Variants in PC observed in about 807,000 individuals in gnomAD.
The protein encoded by PC is pyruvate carboxylase.
In PC, 46 loss-of-function variants were observed where a neutral mutation model predicts 107.8. That is an observed-to-expected ratio of 0.43 (90% confidence interval 0.34 to 0.55). The LOEUF (loss-of-function observed/expected upper bound fraction) is 0.55, where lower values mean the gene tolerates loss of function less well. PC is among the 20% of genes least tolerant of loss of function. The pLI, the probability that PC is intolerant of heterozygous loss-of-function variation, is 0.04. For synonymous variants in PC, 662 were observed against 684.7 expected (o/e 0.97, Z 0.52); for missense variants, 1,241 against 1,643.1 (o/e 0.76, Z 4.23).
In PC at chr11:66,858,731, G is replaced by A. The variant is rs952871230; in HGVS notation, c.1368+5043C>T. The stretch of plus-strand genomic sequence containing the variant: ...TGGTTGGCAACTCCTCCCGAGCCCG[G>A]GCTTTCCCCAACGGGACCTTAGAGA... On this transcript the variant is annotated intron_variant, in intron 12 of 22. Transcript: ENST00000393960. The surrounding 1 kb of genome is among the most constrained non-coding windows in gnomAD (Gnocchi z 5.9). The A allele has an allele frequency of 1.3e-6, 2 of 1,554,494 alleles. No homozygotes were observed. The highest frequency in any genetic ancestry group is 2.4e-5 in the East Asian group (1 of 41,562).
At chr11:66,942,938 C>A (rs1477908729) in intron 3 of PC, among the ~76,000 whole-genome samples, 1 of 151,770 alleles carries the variant, frequency 6.6e-6, no homozygotes, top group Non-Finnish European at 1.5e-5. Context: ...ATTGCTTGAA[C>A]CCGGGAGGCG....
In PC at chr11:66,866,377, A is replaced by T; in HGVS notation, c.1023-28T>A. 7.0e-7 allele frequency: 1 copy of T among 1,420,172 alleles called. No individual in the cohort carries two copies. Among genetic ancestry groups the T allele is most frequent in the Non-Finnish European group, 9.7e-7 (1 of 1,030,738 alleles). The allele number at this position is 1,420,172 out of a possible 1,614,324, so 88.0% of individuals were successfully genotyped here. A position where few individuals can be genotyped will look rare whatever the true frequency, so the allele number is the denominator to read the frequency against. On this transcript the variant is annotated intron_variant, in intron 10 of 22. Coordinates refer to ENST00000393960, the MANE Select transcript of PC (RefSeq NM_001040716.2). The surrounding 1 kb of genome is among the most constrained non-coding windows in gnomAD (Gnocchi z 5.4). ...GTAGGGCATTGGGGGGAGGGGGGAA[A>T]GGACGGGAGAAAGGGGGAAACATGA...
chr11:66,937,394 C>T (rs1198010756), intron 3 of PC, among the ~76,000 whole-genome samples: 1 of 152,188 alleles, frequency 6.6e-6, no homozygotes, highest in African/African-American at 2.4e-5. Flanking sequence ...TCTCTTGCTG[C>T]TTTCAAGATT....
Position 66,849,641 on chromosome 11 carries a change from C to T in PC, c.3117G>A (p.Leu1039=), listed in dbSNP as rs759899977. Residue 1039 remains leucine (L), a synonymous_variant, in exon 21 of 23, where the codon CTG becomes CTA. Coordinates refer to ENST00000393960, the MANE Select transcript of PC (RefSeq NM_001040716.2). ...PLDSLNTRLF[L]QGPKIAEEFE... ...ACTCCTCTGCGATCTTGGGTCCCTG[C>T]AGGAAGAGGCGAGTATTCAGGCTAT... 1.2e-6 allele frequency: 2 copies of T among 1,614,206 alleles called. No individual in the cohort carries two copies. The highest frequency in any genetic ancestry group is 1.7e-6 in the Non-Finnish European group (2 of 1,180,036).
At chr11:66,919,563 C>T (rs1015516837) in intron 3 of PC, among the ~76,000 whole-genome samples, 3 of 152,098 alleles carry the variant, frequency 2.0e-5, no homozygotes, top group Non-Finnish European at 2.9e-5. Context: ...GGCAGGGGGA[C>T]GAGGTAGTGA....
chr11:66,859,853 G>C (rs142190580), intron 12 of PC: 22 of 1,564,358 alleles, frequency 1.4e-5, no homozygotes, highest in Non-Finnish European at 1.9e-5. Flanking sequence ...CCGTGGCCGT[G>C]GGGGGTGTGC....
chr11:66,848,965 G>A lies in PC; in HGVS notation c.3471C>T (p.Val1157=). 1 of 1,614,082 alleles carries A rather than the reference G, an allele frequency of 6.2e-7. No homozygotes were observed. The highest frequency in any genetic ancestry group is 8.5e-7 in the Non-Finnish European group (1 of 1,180,024). ...TGTCCTTGGTCACATGAACCTTGCG[G>A]ACAGTACCCTCCATGGGTGAGGTCA... ...TVVTSPMEGT[V]RKVHVTKDMT... The change falls in exon 23 of 23, where the codon GTC becomes GTT. Residue 1157 remains valine, a synonymous_variant. Transcript: ENST00000393960.
intron 3 of PC, among the ~76,000 whole-genome samples, chr11:66,950,595 C>T (rs779363180): frequency 2.0e-5 from 3 of 152,162 alleles, no homozygotes; most frequent in Non-Finnish European, 4.4e-5. Flanking sequence ...CTAGGCAAAG[C>T]TCAAGTCAGC....
chr11:66,854,411 C>A (rs113282311), intron 12 of PC, among the ~76,000 whole-genome samples: 59 of 152,318 alleles, frequency 3.9e-4, no homozygotes, highest in African/African-American at 1.4e-3. Flanking sequence ...TCATCCTCTG[C>A]TTGTCTGCCT....
At chr11:66,882,831 A>C (rs1411786822) in intron 3 of PC, among the ~76,000 whole-genome samples, 3 of 152,166 alleles carry the variant, frequency 2.0e-5, no homozygotes, top group African/African-American at 7.2e-5. Flanking sequence ...CAAGAGGGAC[A>C]GATGAAAGAA....
intron 3 of PC, among the ~76,000 whole-genome samples, chr11:66,928,342 T>C: frequency 6.9e-6 from 1 of 145,228 alleles, no homozygotes. Flanking sequence ...GCTGAGATTG[T>C]GCCACTGCAC....
chr11:66,865,887 A>G (rs1946471803), intron 11 of PC, among the ~76,000 whole-genome samples: 1 of 152,030 alleles, frequency 6.6e-6, no homozygotes, highest in Non-Finnish European at 1.5e-5. Context: ...TGGGAGCTGG[A>G]GGGTCAGGGG....
At chr11:66,867,531 ACAGGCCAGGCTGCACTCCTCC>A (rs572351570) in intron 10 of PC, among the ~76,000 whole-genome samples, 92 of 152,286 alleles carry the variant, frequency 6.0e-4, no homozygotes, top group East Asian at 4.4e-3. Context: ...ACTCAGTGCC[ACAGGCCAGGCTGCACTCCTCC>A]CATGCTTCAT....
At chr11:66,924,369 C>CGAAAAAAAAAA (rs1948664619) in intron 3 of PC, among the ~76,000 whole-genome samples, 1 of 65,590 alleles carries the variant, frequency 1.5e-5, no homozygotes, top group Admixed American at 1.8e-4. Context: ...CCATCTCTAC[C>CGAAAAAAAAAA]AAAAAAAAAA....
intron 3 of PC, among the ~76,000 whole-genome samples, chr11:66,878,803 G>A (rs553117128): frequency 1.3e-5 from 2 of 152,288 alleles, no homozygotes; most frequent in South Asian, 4.1e-4. Flanking sequence ...AAAAGATCAG[G>A]GCTCTTCGGC....
At chr11:66,912,176 A>G (rs1200219001) in intron 3 of PC, among the ~76,000 whole-genome samples, 3 of 152,246 alleles carry the variant, frequency 2.0e-5, no homozygotes, top group Non-Finnish European at 2.9e-5. Flanking sequence ...AATACTCGCC[A>G]CACTGACCTA....
intron 3 of PC, among the ~76,000 whole-genome samples, chr11:66,931,544 CTTCTG>C (rs1273342754): frequency 1.3e-5 from 2 of 151,502 alleles, no homozygotes; most frequent in African/African-American, 2.4e-5. Context: ...TTAAACATGT[CTTCTG>C]TTAAGTGTGG....
Position 66,871,585 on chromosome 11 carries a change from C to G in PC, c.321+102G>C, listed in dbSNP as rs1313260696. ...TGCTGAGCTGCATCCGTTTACCCAC[C>G]CACGCACAGAGGCGCTGAGCACGCC... On this transcript the variant is annotated intron_variant, in intron 5 of 22. Coordinates refer to ENST00000393960, the MANE Select transcript of PC (RefSeq NM_001040716.2). This position sits in a 1 kb window ranked among gnomAD's most constrained non-coding sequence, Gnocchi z 7.4. 2 of 1,583,324 alleles carry G rather than the reference C, an allele frequency of 1.3e-6. No homozygotes were observed. Among genetic ancestry groups the G allele is most frequent in the Non-Finnish European group, 1.7e-6 (2 of 1,155,924 alleles).
Position 66,871,012 on chromosome 11 carries a change from C to G in PC, c.633+40G>C. On this transcript the variant is annotated intron_variant, in intron 7 of 22. Coordinates refer to ENST00000393960, the MANE Select transcript of PC (RefSeq NM_001040716.2). This position sits in a 1 kb window ranked among gnomAD's most constrained non-coding sequence, Gnocchi z 7.4. ...GGTCCGCCCCTGCCCCCACGGCAGG[C>G]TGCCCTGCCCTGCTCCCAGCCCTGG... 6.2e-7 allele frequency: 1 copy of G among 1,612,176 alleles called. No homozygotes were observed. Among genetic ancestry groups the G allele is most frequent in the Non-Finnish European group, 8.5e-7 (1 of 1,178,724 alleles).
Sources: gnomAD v4.1 joint callset for allele counts (sites outside exome capture counted in the v4.1 genomes callset) on GRCh38, gnomAD v4.1.1 for gene constraint, Gnocchi (gnomAD v3.1) non-coding constraint, MANE v1.5 for transcripts, NCBI Gene and HGNC (gene_info 2026-07-23, HGNC 2026-07-21) for gene names.